PBX1: variants seen among roughly 807,000 people sequenced by gnomAD.
PBX1 encodes PBX homeobox 1.
A neutral mutation model predicts 53.4 loss-of-function variants in PBX1; 6 were observed. The observed-to-expected ratio is 0.11, with a 90% CI of 0.06 to 0.22. PBX1 has a LOEUF of 0.22. PBX1 is among the 10% of genes least tolerant of loss of function. The pLI, the probability that PBX1 is intolerant of heterozygous loss-of-function variation, is 1.00. For missense variants in PBX1, 251 were observed against 551.4 expected, an observed-to-expected ratio of 0.46 and a Z score of 5.46; for synonymous variants, 204 against 212.3, an observed-to-expected ratio of 0.96 and a Z score of 0.34.
At chr1:164,802,734 C>A (rs1230262000) in intron 4 of PBX1, among the ~76,000 whole-genome samples, 6 of 151,930 alleles carry the variant, frequency 3.9e-5, no homozygotes, top group African/African-American at 1.2e-4. Context: ...CTTAACTGTA[C>A]CACGGAAGTT....
intron 2 of PBX1, among the ~76,000 whole-genome samples, chr1:164,701,149 C>T (rs1198721981): frequency 2.6e-5 from 4 of 151,846 alleles, no homozygotes; most frequent in Non-Finnish European, 4.4e-5. Flanking sequence ...TTTTTTTTTC[C>T]CCTGCTAGGA....
chr1:164,677,215 C>A (rs997399892), intron 2 of PBX1, among the ~76,000 whole-genome samples: 12 of 151,592 alleles, frequency 7.9e-5, no homozygotes, highest in African/African-American at 2.9e-4. Flanking sequence ...GCCTCAGCCT[C>A]CCGAGTAGCT....
rs142644135 is a variant in PBX1 at position 164,864,500 on chromosome 1, A to G, written n.257+33017A>G. ...TAGCATATTTTAATCTGATCATTAA[A>G]TTGCAATCTGCCACCCATCCCCAAC... On this transcript the variant is annotated intron_variant and non_coding_transcript_variant, in intron 2 of 2. Coordinates refer to the PBX1 transcript ENST00000558796. 9.4e-3 allele frequency among the ~76,000 whole-genome samples: 1,437 copies of G among 152,276 alleles called. 17 individuals carry two copies. Among genetic ancestry groups the G allele is most frequent in the South Asian group, 0.036 (174 of 4,824 alleles).
chr1:164,837,066 C>G (rs916844735), intron 8 of PBX1, among the ~76,000 whole-genome samples: 1 of 152,076 alleles, frequency 6.6e-6, no homozygotes, highest in Non-Finnish European at 1.5e-5. Flanking sequence ...CTTGGATGGT[C>G]AGAAAAGTGT....
chr1:164,653,161 C>T (rs1162332086), intron 2 of PBX1, among the ~76,000 whole-genome samples: 1 of 152,100 alleles, frequency 6.6e-6, no homozygotes, highest in Non-Finnish European at 1.5e-5. Context: ...CCCACCACAC[C>T]CAGCCTTGTT....
intron 2 of PBX1, among the ~76,000 whole-genome samples, chr1:164,759,966 T>A (rs961516030): frequency 1.3e-5 from 2 of 152,088 alleles, no homozygotes; most frequent in African/African-American, 4.8e-5. Flanking sequence ...AAAACCACAG[T>A]TGTAAAGCTC....
Position 164,866,029 on chromosome 1 carries a change from A to T in PBX1, n.258-33159A>T, listed in dbSNP as rs1240809791. 2.0e-5 allele frequency among the ~76,000 whole-genome samples: 3 copies of T among 152,200 alleles called. 1 individual carries two copies. The highest frequency in any genetic ancestry group is 7.2e-5 in the African/African-American group (3 of 41,442). On this transcript the variant is annotated intron_variant and non_coding_transcript_variant, in intron 2 of 2. Coordinates refer to the PBX1 transcript ENST00000558796. ...CAGTTACCTCAATTCTTTCAGGAGA[A>T]AGGGGCATGCAATCTGGAGATAAAT...
intron 2 of PBX1, chr1:164,700,420 T>G (rs1663049994): frequency 2.0e-6 from 2 of 982,774 alleles, no homozygotes; most frequent in Non-Finnish European, 2.4e-6. Flanking sequence ...ATTGGAGACT[T>G]AAGAGAAGTG....
intron 2 of PBX1, among the ~76,000 whole-genome samples, chr1:164,591,947 T>C (rs1038091019): frequency 2.0e-5 from 3 of 152,210 alleles, no homozygotes; most frequent in African/African-American, 7.2e-5. Context: ...TGCAGTTCAT[T>C]GCAGTCTAGA....
At chr1:164,614,271 C>G (rs914525045) in intron 2 of PBX1, among the ~76,000 whole-genome samples, 12 of 152,106 alleles carry the variant, frequency 7.9e-5, no homozygotes, top group Non-Finnish European at 1.3e-4. Context: ...GAGAGTGATG[C>G]AAAGTGTGGT....
chr1:164,832,025 A>T (rs574575173), intron 8 of PBX1, among the ~76,000 whole-genome samples: 1 of 152,236 alleles, frequency 6.6e-6, no homozygotes, highest in African/African-American at 2.4e-5. Context: ...TTTGAGATAT[A>T]TAAAAATAGA....
intron 4 of PBX1, among the ~76,000 whole-genome samples, chr1:164,804,068 A>T (rs1403395396): frequency 1.3e-5 from 2 of 152,134 alleles, no homozygotes; most frequent in Non-Finnish European, 2.9e-5. Context: ...ATTATTGTTA[A>T]ATTTTATAAT....
Position 164,848,232 on chromosome 1 carries a change from G to A in PBX1, c.*1556G>A, listed in dbSNP as rs2102423546. 9.5e-7 allele frequency: 1 copy of A among 1,052,856 alleles called. No individual in the cohort carries two copies. 65.2% of individuals were successfully genotyped at this position (1,052,856 alleles called of 1,614,324 possible). A position where few individuals can be genotyped will look rare whatever the true frequency, so the allele number is the denominator to read the frequency against. ...ATGAGAAAATAGCATGTATATGAAA[G>A]CTATTCTCAAAAGTCACCTGAGCTC... On this transcript the variant is annotated 3_prime_UTR_variant, in exon 9 of 9. Coordinates refer to ENST00000420696, the MANE Select transcript of PBX1 (RefSeq NM_002585.4).
intron 2 of PBX1, among the ~76,000 whole-genome samples, chr1:164,743,850 A>G (rs944512840): frequency 6.6e-6 from 1 of 152,212 alleles, no homozygotes; most frequent in Non-Finnish European, 1.5e-5. Context: ...AAACTCCAGT[A>G]TAACACTTAC....
intron 2 of PBX1, among the ~76,000 whole-genome samples, chr1:164,571,904 T>C (rs59477339): frequency 1.7e-5 from 2 of 120,614 alleles, no homozygotes; most frequent in African/African-American, 3.1e-5. Flanking sequence ...TATATATATA[T>C]ATATATATAT....
intron 2 of PBX1, among the ~76,000 whole-genome samples, chr1:164,773,249 A>G (rs1667471845): frequency 1.3e-5 from 2 of 151,286 alleles, no homozygotes; most frequent in Non-Finnish European, 2.9e-5. Flanking sequence ...ACGCGCACAC[A>G]CACACACACA....
At chr1:164,683,750 C>CTTTTTTTTTT (rs5778406) in intron 2 of PBX1, 1 of 140,626 alleles carries the variant, frequency 7.1e-6, no homozygotes, top group African/African-American at 2.6e-5. Context: ...TGTGTGAAGT[C>CTTTTTTTTTT]TTTTTTTTTT....
In PBX1 at chr1:164,752,760, G is replaced by C. The variant is rs138671086; in HGVS notation, c.266-39734G>C. Among the ~76,000 whole-genome samples, 14 of 152,300 alleles carry C rather than the reference G, an allele frequency of 9.2e-5. No homozygotes were observed. The East Asian group carries it at 2.5e-3, about 27-fold the overall frequency. On this transcript the variant is annotated intron_variant, in intron 2 of 8. Coordinates refer to ENST00000420696, the MANE Select transcript of PBX1 (RefSeq NM_002585.4). ...ATTTTGATGTGGATAGGAGTGCAGT[G>C]AATCAGCTGCAGTGATCCACATGGA...
intron 2 of PBX1, among the ~76,000 whole-genome samples, chr1:164,658,600 T>G (rs916339416): frequency 6.6e-6 from 1 of 152,204 alleles, no homozygotes; most frequent in Non-Finnish European, 1.5e-5. Flanking sequence ...TGGTGTCACA[T>G]GGTTCTTAGA....
Sources: gnomAD v4.1 joint callset for allele counts (sites outside exome capture counted in the v4.1 genomes callset) on GRCh38, gnomAD v4.1.1 for gene constraint, MANE v1.5 for transcripts, NCBI Gene and HGNC (gene_info 2026-07-23, HGNC 2026-07-21) for gene names.